The following FLT1 variants were observed in gnomAD, a reference collection of about 807,000 sequenced individuals.
FLT1 encodes fms related receptor tyrosine kinase 1.
Under a neutral mutation model 156.3 loss-of-function variants are expected in FLT1, and 49 were observed. That is an observed-to-expected ratio of 0.31 (90% CI 0.25 to 0.40). The LOEUF (loss-of-function observed/expected upper bound fraction) is 0.40. Ranked by LOEUF, FLT1 falls within the 10% of genes least tolerant of loss-of-function variation. The probability of loss-of-function intolerance (pLI) is 1.00; values close to 1 mark genes in which losing one functional copy is unlikely to be tolerated. For missense variants in FLT1, 1,322 were observed against 1,637.2 expected, an observed-to-expected ratio of 0.81 and a Z score of 3.32; for synonymous variants, 594 against 583.8, an observed-to-expected ratio of 1.02 and a Z score of -0.25.
At chr13:28,434,781 G>A (rs1877932539) in intron 4 of FLT1, among the ~76,000 whole-genome samples, 1 of 152,214 alleles carries the variant, frequency 6.6e-6, no homozygotes, top group Admixed American at 6.5e-5. Context: ...CTCTCGGGAG[G>A]CTGAGGCAGG....
At chr13:28,364,130 C>A (rs1873207185) in intron 14 of FLT1, among the ~76,000 whole-genome samples, 2 of 152,138 alleles carry the variant, frequency 1.3e-5, no homozygotes, top group African/African-American at 4.8e-5. Flanking sequence ...GATGCTAATT[C>A]TTTGTTGGCT....
At chr13:28,390,405 T>C (rs1297106320) in intron 12 of FLT1, among the ~76,000 whole-genome samples, 1 of 151,188 alleles carries the variant, frequency 6.6e-6, no homozygotes, top group East Asian at 1.9e-4. Flanking sequence ...TTTATTTCCC[T>C]TTTTTTTTGA....
intron 3 of FLT1, among the ~76,000 whole-genome samples, chr13:28,454,878 G>A (rs1424309089): frequency 1.3e-5 from 2 of 152,024 alleles, no homozygotes; most frequent in Non-Finnish European, 1.5e-5. Context: ...GAGTTGAAAT[G>A]AAAAACACAA....
chr13:28,430,420 C>T (rs981982828), intron 7 of FLT1, among the ~76,000 whole-genome samples: 4 of 152,138 alleles, frequency 2.6e-5, no homozygotes, highest in African/African-American at 9.7e-5. Context: ...GAAAGTGAAA[C>T]ACCTTAAATA....
chr13:28,357,119 C>T (rs1000345325), intron 15 of FLT1, among the ~76,000 whole-genome samples: 1 of 152,216 alleles, frequency 6.6e-6, no homozygotes, highest in Non-Finnish European at 1.5e-5. Context: ...CAGCATATGT[C>T]TAACTCCTGG....
chr13:28,472,512 C>G (rs1037231053), intron 1 of FLT1, among the ~76,000 whole-genome samples: 1 of 152,180 alleles, frequency 6.6e-6, no homozygotes, highest in Non-Finnish European at 1.5e-5. Flanking sequence ...TTTTACTAAT[C>G]TAAATAAACA....
In FLT1 at chr13:28,442,707, C is replaced by CACAT. The variant is rs1383596839; in HGVS notation, c.389-4363_389-4362insATGT. ...ATGAGCATATGACTGTAGATACACACACACACACACACACACACACACACA... is the reference window on the plus strand; with the variant it reads ...ATGAGCATATGACTGTAGATACACACACATACACACACACACACACACACACACA... On this transcript the variant is annotated intron_variant, in intron 3 of 29. Coordinates refer to ENST00000282397, the MANE Select transcript of FLT1 (RefSeq NM_002019.4). 2.6e-5 allele frequency among the ~76,000 whole-genome samples: 4 copies of CACAT among 151,458 alleles called. No individual in the cohort carries two copies. In the East Asian group the frequency reaches 7.7e-4, roughly 29 times the overall value.
intron 20 of FLT1, among the ~76,000 whole-genome samples, chr13:28,326,091 T>A (rs149681583): frequency 1.3e-5 from 2 of 152,278 alleles, no homozygotes; most frequent in African/African-American, 4.8e-5. Flanking sequence ...TCACCCAATT[T>A]TTCTATCTTA....
chr13:28,389,270 A>T (rs764954141), intron 13 of FLT1: 1 of 1,162,454 alleles, frequency 8.6e-7, no homozygotes, highest in African/African-American at 1.6e-5. Context: ...CAGAGTCTCA[A>T]ATTCAACTGT....
At chr13:28,459,762 T>C (rs1463379354) in intron 3 of FLT1, among the ~76,000 whole-genome samples, 1 of 152,258 alleles carries the variant, frequency 6.6e-6, no homozygotes, top group Non-Finnish European at 1.5e-5. Context: ...CAATATTTTC[T>C]CTTTAAAGTT....
intron 11 of FLT1, among the ~76,000 whole-genome samples, chr13:28,404,590 G>A (rs371992477): frequency 1.3e-5 from 2 of 152,174 alleles, no homozygotes; most frequent in South Asian, 4.1e-4. Context: ...CAAAGTGTAC[G>A]GCTGAATAGA....
chr13:28,408,074 G>C (rs1271915855), intron 10 of FLT1, among the ~76,000 whole-genome samples: 1 of 152,148 alleles, frequency 6.6e-6, no homozygotes, highest in African/African-American at 2.4e-5. Context: ...AACAGCTAAA[G>C]TTCTCTTGTA....
intron 3 of FLT1, among the ~76,000 whole-genome samples, chr13:28,461,196 T>G (rs756462499): frequency 2.0e-5 from 3 of 152,158 alleles, no homozygotes; most frequent in Non-Finnish European, 4.4e-5. Context: ...CATTAATGAA[T>G]TTGGAGGCAC....
intron 19 of FLT1, among the ~76,000 whole-genome samples, chr13:28,328,630 C>A (rs1053195531): frequency 6.6e-6 from 1 of 152,246 alleles, no homozygotes. Context: ...GGTTCCAGAA[C>A]GGGAAGTTGC....
At chr13:28,338,754 A>G (rs1746543707) in intron 17 of FLT1, among the ~76,000 whole-genome samples, 2 of 152,102 alleles carry the variant, frequency 1.3e-5, no homozygotes, top group African/African-American at 4.8e-5. Context: ...TATGTTCTGG[A>G]TCACATATTT....
intron 10 of FLT1, among the ~76,000 whole-genome samples, chr13:28,422,893 T>A (rs1877093577): frequency 6.6e-6 from 1 of 152,234 alleles, no homozygotes; most frequent in South Asian, 2.1e-4. Context: ...AAATCCACCC[T>A]TTCCATTCCA....
At chr13:28,491,845 A>G (rs1375632736) in intron 1 of FLT1, among the ~76,000 whole-genome samples, 2 of 152,246 alleles carry the variant, frequency 1.3e-5, no homozygotes, top group Non-Finnish European at 2.9e-5. Flanking sequence ...TTACATACGA[A>G]AACAAAGTAC....
In FLT1 at chr13:28,322,584, C is replaced by G. The variant is rs61762456; in HGVS notation, c.2953+206G>C. On this transcript the variant is annotated intron_variant, in intron 21 of 29. Coordinates refer to ENST00000282397, the MANE Select transcript of FLT1 (RefSeq NM_002019.4). The surrounding 1 kb of genome is among the most constrained non-coding windows in gnomAD (Gnocchi z 4.3). ...GGGGATGATCCATTAAGATGAAAATCCCTGAGGGGAGAAAACGGTACAGTT... is the reference window on the plus strand; with the variant it reads ...GGGGATGATCCATTAAGATGAAAATGCCTGAGGGGAGAAAACGGTACAGTT... 2,296 of 727,438 alleles carry G rather than the reference C, an allele frequency of 3.2e-3. 44 individuals are homozygous for G. The African/African-American group carries it at 0.035, about 11-fold the overall frequency. 45.1% of individuals were successfully genotyped at this position (727,438 alleles called of 1,614,324 possible). A position where few individuals can be genotyped will look rare whatever the true frequency, so the allele number is the denominator to read the frequency against.
chr13:28,372,603 G>T (rs1172409127), intron 14 of FLT1, among the ~76,000 whole-genome samples: 216 of 59,800 alleles, frequency 3.6e-3, no homozygotes, highest in Admixed American at 5.1e-3. Context: ...TATATATATA[G>T]CTGGGTGCAG....
Sources: gnomAD v4.1 joint callset for allele counts (sites outside exome capture counted in the v4.1 genomes callset) on GRCh38, gnomAD v4.1.1 for gene constraint, Gnocchi (gnomAD v3.1) non-coding constraint, MANE v1.5 for transcripts, NCBI Gene and HGNC (gene_info 2026-07-23, HGNC 2026-07-21) for gene names.